The following EVA1C variants were observed in gnomAD, a reference collection of about 807,000 sequenced individuals.
EVA1C encodes eva-1 homolog C.
EVA1C carries 25 observed loss-of-function variants against 45.4 expected under a neutral mutation model. That is an observed-to-expected ratio of 0.55 (90% confidence interval 0.40 to 0.77). The LOEUF (loss-of-function observed/expected upper bound fraction) is 0.77. Ranked by LOEUF, EVA1C falls within the 30% of genes least tolerant of loss-of-function variation. The pLI is 0.00. For missense variants in EVA1C, 479 were observed against 554.8 expected (o/e 0.86, Z 1.37); for synonymous variants, 190 against 221.2 (o/e 0.86, Z 1.25).
At chr21:32,491,308 T>C (rs953598012) in intron 4 of EVA1C, among the ~76,000 whole-genome samples, 7 of 151,958 alleles carry the variant, frequency 4.6e-5, no homozygotes, top group Non-Finnish European at 1.0e-4. Context: ...GCAAGTCATA[T>C]GGGGCCTTGT....
chr21:32,463,090 A>G (rs1270817902), intron 3 of EVA1C, among the ~76,000 whole-genome samples: 1 of 152,228 alleles, frequency 6.6e-6, no homozygotes, highest in Non-Finnish European at 1.5e-5. Flanking sequence ...ATCGAAAAGA[A>G]GCAGAATGAC....
chr21:32,496,052 T>C (rs531983736), intron 5 of EVA1C, among the ~76,000 whole-genome samples: 22 of 152,360 alleles, frequency 1.4e-4, no homozygotes, highest in Middle Eastern at 3.4e-3. Context: ...TTTTAGTATA[T>C]GCACAGAATT....
chr21:32,432,824 G>A (rs550675907), intron 1 of EVA1C, among the ~76,000 whole-genome samples: 2,121 of 145,342 alleles, frequency 0.015, 19 homozygotes, highest in Non-Finnish European at 0.022. Flanking sequence ...GGGCTCAAGC[G>A]ATCCTCCTGC....
In EVA1C at chr21:32,453,336, A is replaced by G. The variant is rs1280879619; in HGVS notation, c.185A>G (p.Asn62Ser). The G allele has an allele frequency of 2.5e-6, 4 of 1,595,710 alleles. No homozygotes were observed. The highest frequency in any genetic ancestry group is 3.4e-6 in the Non-Finnish European group (4 of 1,166,538). Residue 62 changes from asparagine (N) to serine (S), a missense_variant, in exon 2 of 8, where the codon AAC becomes AGC. Coordinates refer to ENST00000300255, the MANE Select transcript of EVA1C (RefSeq NM_058187.5). Reference sequence around the variant, plus strand: ...GGTTACCTAACCAAACTCCTGCAAAACCACACCACCTATGCCTGTGATGGG... The same window carrying G: ...GGTTACCTAACCAAACTCCTGCAAAGCCACACCACCTATGCCTGTGATGGG... ...FSGYLTKLLQ[N>S]HTTYACDGDY...
intron 4 of EVA1C, 67 bp downstream of exon 4, chr21:32,467,915 T>TATAG: frequency 1.1e-6 from 1 of 913,410 alleles, no homozygotes; most frequent in Non-Finnish European, 1.5e-6. Context: ...AATATATATA[T>TATAG]ATATATCCTA....
intron 4 of EVA1C, among the ~76,000 whole-genome samples, chr21:32,483,559 G>A (rs548107084): frequency 2.2e-4 from 33 of 152,182 alleles, no homozygotes; most frequent in Non-Finnish European, 4.0e-4. Flanking sequence ...TGAGTGGCTG[G>A]GAAGAGCTGA....
At chr21:32,513,066 AGTTGTTATTATT>A in intron 7 of EVA1C, among the ~76,000 whole-genome samples, 1 of 150,488 alleles carries the variant, frequency 6.6e-6, no homozygotes, top group Middle Eastern at 3.5e-3. Flanking sequence ...ACAATAATAT[AGTTGTTATTATT>A]GTAATATAGT....
chr21:32,502,029 TTTCTTTCTTTC>T lies in EVA1C; in HGVS notation c.859+537_859+547del, dbSNP rs1158815723. ...CTTTCTTTCTTTCTTTCTTTCTTTC[TTTCTTTCTTTC>T]TTTCTTTCTTTCTTCTTTCTTTCTT... is the stretch of plus-strand genomic sequence containing the variant. On this transcript the variant is annotated intron_variant, in intron 6 of 7. Coordinates refer to ENST00000300255, the MANE Select transcript of EVA1C (RefSeq NM_058187.5). Among the ~76,000 whole-genome samples, 95 of 132,926 alleles carry T rather than the reference TTTCTTTCTTTC, an allele frequency of 7.1e-4. 2 individuals carry two copies. The highest frequency in any genetic ancestry group is 2.8e-3 in the African/African-American group (92 of 32,966). The allele number at this position is 132,926 out of a possible 152,430, so 87.2% of individuals were successfully genotyped here.
At chr21:32,471,635 T>G (rs1290889676) in intron 4 of EVA1C, among the ~76,000 whole-genome samples, 2 of 136,792 alleles carry the variant, frequency 1.5e-5, no homozygotes, top group African/African-American at 2.7e-5. Context: ...CTCCATTTCC[T>G]TTTTTTTTTT....
Position 32,427,267 on chromosome 21 carries a change from T to A in EVA1C, c.160+14254T>A, listed in dbSNP as rs117850013. ...CAATAAAAGTAAAAACATTTGACGATGTATATAATACATTTGTTTTTTCAG... is the reference window on the plus strand; with the variant it reads ...CAATAAAAGTAAAAACATTTGACGAAGTATATAATACATTTGTTTTTTCAG... On this transcript the variant is annotated intron_variant, in intron 1 of 7. Coordinates refer to ENST00000300255, the MANE Select transcript of EVA1C (RefSeq NM_058187.5). Among the ~76,000 whole-genome samples the A allele has an allele frequency of 2.4e-4, 36 of 152,342 alleles. No individual in the cohort carries two copies. The East Asian group carries it at 6.7e-3, about 29-fold the overall frequency.
intron 7 of EVA1C, among the ~76,000 whole-genome samples, chr21:32,504,827 C>T (rs2146447838): frequency 6.6e-6 from 1 of 152,022 alleles, no homozygotes; most frequent in Non-Finnish European, 1.5e-5. Context: ...TTTGTCTGTT[C>T]TCATGCTATT....
intron 5 of EVA1C, 144 bp downstream of exon 5, chr21:32,495,314 G>A (rs1343320135): frequency 1.4e-6 from 1 of 723,490 alleles, no homozygotes; most frequent in Non-Finnish European, 2.2e-6. Context: ...ATACCCGAGA[G>A]CCCTTTTTTT....
intron 7 of EVA1C, among the ~76,000 whole-genome samples, chr21:32,504,718 G>T (rs573232823): frequency 6.6e-6 from 1 of 152,262 alleles, no homozygotes; most frequent in East Asian, 1.9e-4. Context: ...TAAAATACAT[G>T]TTAATATAAT....
chr21:32,476,643 AAAT>A (rs908815595), intron 4 of EVA1C, among the ~76,000 whole-genome samples: 2 of 151,736 alleles, frequency 1.3e-5, no homozygotes, highest in South Asian at 2.1e-4. Context: ...CTCCGTCTCA[AAAT>A]AATAATAATA....
In EVA1C at chr21:32,507,496, G is replaced by A. The variant is rs568660263; in HGVS notation, c.949+3481G>A. Among the ~76,000 whole-genome samples the A allele has an allele frequency of 7.0e-4, 106 of 151,180 alleles. 1 individual carries two copies. The highest frequency in any genetic ancestry group is 2.0e-3 in the African/African-American group (82 of 40,964). On this transcript the variant is annotated intron_variant, in intron 7 of 7. Coordinates refer to ENST00000300255, the MANE Select transcript of EVA1C (RefSeq NM_058187.5). ...TGCATGTGTGTATGCGTCTGTGTGC[G>A]TGTGTCTGTATCTGTGTGCATGTGT... is the stretch of plus-strand genomic sequence containing the variant.
At chr21:32,468,317 C>A (rs960519711) in intron 4 of EVA1C, among the ~76,000 whole-genome samples, 4 of 151,392 alleles carry the variant, frequency 2.6e-5, no homozygotes, top group Admixed American at 6.6e-5. Context: ...TGCAGTGAGC[C>A]GAGATCGTGC....
intron 1 of EVA1C, among the ~76,000 whole-genome samples, chr21:32,449,394 G>A (rs1202725421): frequency 1.3e-5 from 2 of 152,118 alleles, no homozygotes; most frequent in African/African-American, 4.8e-5. Flanking sequence ...CCTGACCTCT[G>A]GCAACCATGG....
intron 4 of EVA1C, among the ~76,000 whole-genome samples, chr21:32,488,032 C>A (rs1428457397): frequency 6.6e-6 from 1 of 152,084 alleles, no homozygotes; most frequent in African/African-American, 2.4e-5. Flanking sequence ...TCTGTACTAA[C>A]TCCAGGTAGT....
In EVA1C at chr21:32,477,644, A is replaced by G. The variant is rs1025242064; in HGVS notation, c.634+9796A>G. On this transcript the variant is annotated intron_variant, in intron 4 of 7. Transcript: ENST00000300255. Reference sequence around the variant, plus strand: ...CTCTTATGTGTCCTTACAACACGGCAGCTGGCTTCCCCCAGAGAAAGTGAT... The same window carrying G: ...CTCTTATGTGTCCTTACAACACGGCGGCTGGCTTCCCCCAGAGAAAGTGAT... 4.6e-5 allele frequency among the ~76,000 whole-genome samples: 7 copies of G among 151,740 alleles called. No homozygotes were observed. The East Asian group carries it at 9.7e-4, about 21-fold the overall frequency.
Sources: allele counts gnomAD v4.1 joint callset (sites outside exome capture counted in the v4.1 genomes callset), GRCh38; gene constraint gnomAD v4.1.1; transcripts MANE v1.5; gene names NCBI Gene and HGNC (gene_info 2026-07-23, HGNC 2026-07-21).